TP73: variants seen among roughly 807,000 people sequenced by gnomAD.
TP73 encodes p53-like transcription factor.
Under a neutral mutation model 62.5 loss-of-function variants are expected in TP73, and 25 were observed. That is an observed-to-expected ratio of 0.40 (90% CI 0.29 to 0.56). The LOEUF is 0.56. TP73 is among the 20% of genes least tolerant of loss of function. The pLI is 0.46. For missense variants in TP73, 754 were observed against 913.3 expected, an observed-to-expected ratio of 0.83 and a Z score of 2.25; for synonymous variants, 423 against 377.5, an observed-to-expected ratio of 1.12 and a Z score of -1.40.
At chr1:3,679,937 CTCTT>C (rs988740631) in intron 1 of TP73, among the ~76,000 whole-genome samples, 2 of 151,520 alleles carry the variant, frequency 1.3e-5, no homozygotes, top group Admixed American at 6.6e-5. Flanking sequence ...CTTTCCCTGT[CTCTT>C]TCTGTCTCTC....
chr1:3,706,929 G>T (rs1340435808), intron 3 of TP73, among the ~76,000 whole-genome samples: 2 of 152,156 alleles, frequency 1.3e-5, no homozygotes, highest in East Asian at 3.9e-4. Context: ...TCCAGTCGGG[G>T]TGAGGCCGTT....
chr1:3,716,247 T>A lies in TP73; in HGVS notation c.430-5774T>A, dbSNP rs576432218. Among the ~76,000 whole-genome samples the A allele has an allele frequency of 5.6e-3, 859 of 152,284 alleles. 10 individuals carry two copies. The highest frequency in any genetic ancestry group is 6.5e-3 in the Non-Finnish European group (441 of 68,000). ...GCCTGGGAGCCCCGGCTGGCCAGCA[T>A]GGGGGTGCCAGCAGACACATCTGTC... On this transcript the variant is annotated intron_variant, in intron 4 of 13. Coordinates refer to ENST00000378295, the MANE Select transcript of TP73 (RefSeq NM_005427.4).
chr1:3,727,277 CG>C, intron 7 of TP73, 53 bp downstream of exon 7: 1 of 1,536,290 alleles, frequency 6.5e-7, no homozygotes, highest in Non-Finnish European at 8.9e-7. Context: ...CAGGCACGGC[CG>C]GGGGAGAAGG....
At chr1:3,684,035 G>A (rs1045384016) in intron 3 of TP73, among the ~76,000 whole-genome samples, 1 of 152,226 alleles carries the variant, frequency 6.6e-6, no homozygotes, top group Non-Finnish European at 1.5e-5. Context: ...GTGGGAGCTG[G>A]TGGGGGCCAC....
At chr1:3,686,225 G>A (rs763654321) in intron 3 of TP73, among the ~76,000 whole-genome samples, 9 of 152,238 alleles carry the variant, frequency 5.9e-5, no homozygotes, top group African/African-American at 9.6e-5. Context: ...CCTCTGCAGT[G>A]GGGCGTGCCT....
intron 1 of TP73, chr1:3,668,667 C>T (rs1430681598): frequency 2.6e-5 from 4 of 152,164 alleles, no homozygotes. Context: ...GAGACGGTCT[C>T]ATAGGTGGAA....
In TP73 at chr1:3,663,707, AAAAG is replaced by A. The variant is rs1553130326; in HGVS notation, c.-34+11079_-34+11082del. 1.3e-5 allele frequency among the ~76,000 whole-genome samples: 2 copies of A among 148,786 alleles called. No individual in the cohort carries two copies. The highest frequency in any genetic ancestry group is 3.0e-5 in the Non-Finnish European group (2 of 67,296). On this transcript the variant is annotated intron_variant, in intron 1 of 13. Transcript: ENST00000378295. The surrounding 1 kb of genome is among the most constrained non-coding windows in gnomAD (Gnocchi z 4.7). ...CGAGACTCCATCTCAAAAAAAAAAAAAAAGAAAGAAAGAAAGGATACAGACATCC... is the reference window on the plus strand; with the variant it reads ...CGAGACTCCATCTCAAAAAAAAAAAAAAAGAAAGAAAGGATACAGACATCC...
In TP73 at chr1:3,729,337, G is replaced by A. The variant is rs200330726; in HGVS notation, c.1085G>A (p.Arg362Gln). The A allele has an allele frequency of 7.3e-5, 117 of 1,613,180 alleles. No individual in the cohort carries two copies. The Middle Eastern group carries it at 8.3e-4, about 11-fold the overall frequency. Residue 362 changes from arginine to glutamine, a missense_variant, in exon 10 of 14, where the codon CGG (arginine) becomes CAG (glutamine). By Grantham distance (43) the Arg-to-Gln change is conservative (BLOSUM62 1). Coordinates refer to ENST00000378295, the MANE Select transcript of TP73 (RefSeq NM_005427.4). Reference protein sequence around the residue: ...EDTYYLQVRGRENFEILMKLK... With the variant: ...EDTYYLQVRGQENFEILMKLK... ...CTCCTCTGTGCTCAGGTGCGAGGCC[G>A]GGAGAACTTTGAGATCCTGATGAAG...
rs758084996 is a variant in TP73 at position 3,666,725 on chromosome 1, G to A, written c.-34+14084G>A. On this transcript the variant is annotated intron_variant, in intron 1 of 13. Transcript: ENST00000378295. This position sits in a 1 kb window ranked among gnomAD's most constrained non-coding sequence, Gnocchi z 6.4. ...AACCGTCCCAGAAGCCCTTCAGCTC[G>A]GAAGTGAGTAAGCATTGGCGGTGGG... 4.6e-5 allele frequency among the ~76,000 whole-genome samples: 7 copies of A among 152,166 alleles called. No homozygotes were observed. The highest frequency in any genetic ancestry group is 9.7e-5 in the African/African-American group (4 of 41,442).
chr1:3,669,668 C>T (rs76073395), intron 1 of TP73, among the ~76,000 whole-genome samples: 16,255 of 152,266 alleles, frequency 0.11, 1,101 homozygotes, highest in African/African-American at 0.18. Flanking sequence ...AGCCATGCCC[C>T]GGCCTCCCCG....
intron 3 of TP73, among the ~76,000 whole-genome samples, chr1:3,686,951 G>T (rs950353881): frequency 2.0e-5 from 3 of 152,188 alleles, no homozygotes; most frequent in Non-Finnish European, 4.4e-5. Context: ...TGTGACAAAC[G>T]CTAGGTGTGA....
At chr1:3,706,322 C>A (rs889272895) in intron 3 of TP73, among the ~76,000 whole-genome samples, 1 of 151,208 alleles carries the variant, frequency 6.6e-6, no homozygotes, top group African/African-American at 2.4e-5. Context: ...GTGCCCACCG[C>A]AGGCCTGGGG....
chr1:3,707,907 C>G, intron 4 of TP73, 116 bp downstream of exon 4: 1 of 1,454,218 alleles, frequency 6.9e-7, no homozygotes, highest in Non-Finnish European at 9.1e-7. Flanking sequence ...GCTCGGGGTT[C>G]CCACCTGGCC....
intron 6 of TP73, among the ~76,000 whole-genome samples, 183 bp from the exon 7 acceptor site, chr1:3,726,932 T>C (rs111324738): frequency 7.9e-5 from 7 of 89,140 alleles, no homozygotes; most frequent in East Asian, 2.4e-4. Context: ...GATGGATGGA[T>C]GGATGGGGTG....
rs760710455 is a variant in TP73 at position 3,727,217 on chromosome 1, A to T, written c.835A>T (p.Met279Leu). The change falls in exon 7 of 14, where the codon ATG (methionine) becomes TTG (leucine). Residue 279 changes from methionine to leucine, a missense_variant. This residue lies in a region of TP73 where 458 missense variants were observed against 528.7 expected (regional missense o/e 0.87). Coordinates refer to ENST00000378295, the MANE Select transcript of TP73 (RefSeq NM_005427.4). ...CATCCTCATCATCATCACCCTGGAG[A>T]TGCGGGAGTGAGTCCCGGGCACACG... The part of the protein sequence containing the change: ...RPILIIITLE[M>L]RDGQVLGRRS... 1.2e-6 allele frequency: 2 copies of T among 1,611,862 alleles called. No individual in the cohort carries two copies. The highest frequency in any genetic ancestry group is 8.5e-7 in the Non-Finnish European group (1 of 1,179,396).
In TP73 at chr1:3,722,030, C is replaced by T. The variant is rs1368505204; in HGVS notation, c.439C>T (p.Leu147Phe). 6.2e-7 allele frequency: 1 copy of T among 1,608,872 alleles called. No individual in the cohort carries two copies. The highest frequency in any genetic ancestry group is 8.5e-7 in the Non-Finnish European group (1 of 1,176,882). Residue 147 changes from leucine (L) to phenylalanine (F), a missense_variant, in exon 5 of 14, where the codon CTC (leucine) becomes TTC (phenylalanine). Coordinates refer to ENST00000378295, the MANE Select transcript of TP73 (RefSeq NM_005427.4). ...AKSATWTYSP[L>F]LKKLYCQIAK... The stretch of plus-strand genomic sequence containing the variant: ...CTCTCCCCCACTCCAGTACTCCCCG[C>T]TCTTGAAGAAACTCTACTGCCAGAT...
In TP73 at chr1:3,727,635, G is replaced by A; in HGVS notation, c.850G>A (p.Val284Met). 6.3e-7 allele frequency: 1 copy of A among 1,599,268 alleles called. No individual in the cohort carries two copies. The highest frequency in any genetic ancestry group is 8.5e-7 in the Non-Finnish European group (1 of 1,175,930). ...GCTGTGCCCACCCGACAGTGGGCAG[G>A]TGCTGGGCCGCCGGTCCTTTGAGGG... ...IITLEMRDGQVLGRRSFEGRI... is the reference protein window; with the variant it reads ...IITLEMRDGQMLGRRSFEGRI... Residue 284 changes from valine (V) to methionine (M), a missense_variant, in exon 8 of 14, where the codon GTG (valine) becomes ATG (methionine). Coordinates refer to ENST00000378295, the MANE Select transcript of TP73 (RefSeq NM_005427.4).
At chr1:3,718,857 G>A (rs1188654575) in intron 4 of TP73, among the ~76,000 whole-genome samples, 1 of 152,186 alleles carries the variant, frequency 6.6e-6, no homozygotes, top group Non-Finnish European at 1.5e-5. Context: ...GGGAAGCGGG[G>A]CCTGTGTGGC....
At chr1:3,671,795 G>T (rs1279049210) in intron 1 of TP73, among the ~76,000 whole-genome samples, 1 of 152,218 alleles carries the variant, frequency 6.6e-6, no homozygotes, top group Non-Finnish European at 1.5e-5. Context: ...AGAGCCAGCG[G>T]ACAGCCACTC....
Sources: allele counts gnomAD v4.1 joint callset (sites outside exome capture counted in the v4.1 genomes callset), GRCh38; gene constraint gnomAD v4.1.1; regional missense constraint gnomAD v4.1.1; non-coding constraint Gnocchi (gnomAD v3.1); transcripts MANE v1.5; gene names NCBI Gene and HGNC (gene_info 2026-07-23, HGNC 2026-07-21).